Variants in POU2F2 observed in about 807,000 individuals in gnomAD.
POU2F2 encodes POU domain, class 2, transcription factor 2.
A neutral mutation model predicts 63.5 loss-of-function variants in POU2F2; 14 were observed. The observed-to-expected ratio is 0.22, with a 90% CI of 0.15 to 0.34. POU2F2 has a LOEUF of 0.34. Among genes scored for constraint, POU2F2 ranks in the 10% least tolerant of loss-of-function variants. The pLI is 1.00. For synonymous variants in POU2F2, 306 were observed against 348.6 expected (o/e 0.88, Z 1.36); for missense variants, 607 against 815.2 (o/e 0.74, Z 3.11).
rs567895056 is a variant in POU2F2 at position 42,091,333 on chromosome 19, G to A, written c.1799C>T (p.Ser600Phe). The change falls in exon 15 of 15, where the codon TCC (serine) becomes TTC (phenylalanine). Residue 600 changes from serine to phenylalanine, a missense_variant. Ser to Phe is a radical substitution (Grantham distance 155). Coordinates refer to ENST00000692977, the MANE Select transcript of POU2F2 (RefSeq NM_001394376.1). Reference protein sequence around the residue: ...SSSSSSSSSSSSTCSETAAQT... With the variant: ...SSSSSSSSSSFSTCSETAAQT... ...TGCTGCCGTCTCGCTGCAAGTGGAG[G>A]AGGAGGAGGATGAGGATGAAGAGGA... The A allele has an allele frequency of 1.4e-5, 21 of 1,535,664 alleles. No homozygotes were observed. The highest frequency in any genetic ancestry group is 1.7e-5 in the Non-Finnish European group (19 of 1,146,790).
At chr19:42,151,862 G>A (rs1248830134) in intron 2 of POU2F2, among the ~76,000 whole-genome samples, 4 of 152,222 alleles carry the variant, frequency 2.6e-5, no homozygotes, top group African/African-American at 4.8e-5. Context: ...CAGTGGGCAG[G>A]GGAGGAAGCC....
chr19:42,095,915 C>T lies in POU2F2; in HGVS notation c.744G>A (p.Leu248=), dbSNP rs1257185372. 2 of 1,613,704 alleles carry T rather than the reference C, an allele frequency of 1.2e-6. No individual in the cohort carries two copies. Among genetic ancestry groups the T allele is most frequent in the East Asian group, 2.2e-5 (1 of 44,864 alleles). The change falls in exon 9 of 15, where the codon CTG becomes CTA. Residue 248 remains leucine (L), a synonymous_variant. Transcript: ENST00000692977. This position sits in a 1 kb window ranked among gnomAD's most constrained non-coding sequence, Gnocchi z 7.1. The stretch of plus-strand genomic sequence containing the variant: ...CGTTGCCGTAGAGCTTGCCCATGGC[C>T]AGGCCCACATCACCCTGGGCCAGTG... ...KLGFTQGDVG[L]AMGKLYGNDF...
At chr19:42,142,558 T>A (rs2034150096) in intron 2 of POU2F2, among the ~76,000 whole-genome samples, 1 of 151,442 alleles carries the variant, frequency 6.6e-6, no homozygotes, top group Admixed American at 6.6e-5. Flanking sequence ...GGGGGTTTTT[T>A]ATTTGTTTTT....
At chr19:42,189,487 A>G (rs955724181) in intron 1 of POU2F2, among the ~76,000 whole-genome samples, 6 of 152,140 alleles carry the variant, frequency 3.9e-5, no homozygotes, top group Non-Finnish European at 8.8e-5. Flanking sequence ...CCCTGGTTCT[A>G]GTCTTTTCTG....
intron 1 of POU2F2, 137 bp downstream of exon 1, chr19:42,132,247 G>T: frequency 2.1e-6 from 2 of 966,122 alleles, no homozygotes; most frequent in Non-Finnish European, 3.0e-6. Context: ...ACCCGGCATG[G>T]GAGAGAGGGA....
chr19:42,132,412 G>A lies in POU2F2; in HGVS notation c.-1C>T. The A allele has an allele frequency of 6.6e-7, 1 of 1,515,726 alleles. No homozygotes were observed. The highest frequency in any genetic ancestry group is 8.8e-7 in the Non-Finnish European group (1 of 1,135,294). The allele number at this position is 1,515,726 out of a possible 1,614,324, so 93.9% of individuals were successfully genotyped here. A position where few individuals can be genotyped will look rare whatever the true frequency, so the allele number is the denominator to read the frequency against. ...GAGCCCCCATGCTGGAGTGAACCATGCTGCCCGCCCCGCCAGGGCTGGGGG... is the reference window on the plus strand; with the variant it reads ...GAGCCCCCATGCTGGAGTGAACCATACTGCCCGCCCCGCCAGGGCTGGGGG... On this transcript the variant is annotated 5_prime_UTR_variant, in exon 1 of 15. Transcript: ENST00000692977.
intron 1 of POU2F2, among the ~76,000 whole-genome samples, chr19:42,188,366 C>CA (rs769784431): frequency 0.015 from 1,496 of 100,348 alleles, 15 homozygotes; most frequent in African/African-American, 0.035. Flanking sequence ...ACCTTGTCTC[C>CA]AAAAAAAAAA....
At position 42,092,548 on chromosome 19, in the gene POU2F2, C is replaced by T. The variant is rs1242781901; in HGVS notation, c.1265-278G>A. Among the ~76,000 whole-genome samples the T allele has an allele frequency of 1.3e-5, 2 of 152,168 alleles. No homozygotes were observed. The highest frequency in any genetic ancestry group is 6.5e-5 in the Admixed American group (1 of 15,278). ...GAACCACTTTTTTACCGACTAGAAA[C>T]GGGGGTGCCCAGGAGACAAAGCCCT... On this transcript the variant is annotated intron_variant, in intron 12 of 14. Transcript: ENST00000692977. The surrounding 1 kb of genome is among the most constrained non-coding windows in gnomAD (Gnocchi z 5.0).
At chr19:42,141,269 A>G (rs2034120791) in intron 2 of POU2F2, among the ~76,000 whole-genome samples, 1 of 152,180 alleles carries the variant, frequency 6.6e-6, no homozygotes, top group Admixed American at 6.5e-5. Flanking sequence ...TTTGTTGGGT[A>G]AGGACAACTG....
At chr19:42,133,626 TCAC>T (rs1334168729), upstream of POU2F2, 1 of 154,152 alleles carries the variant, frequency 6.5e-6, no homozygotes, top group Non-Finnish European at 1.5e-5. This position sits in a 1 kb window ranked among gnomAD's most constrained non-coding sequence, Gnocchi z 5.1. Context: ...CCCCAGCACT[TCAC>T]ACACACACAC....
At position 42,099,555 on chromosome 19, in the gene POU2F2, G is replaced by A; in HGVS notation, c.539C>T (p.Ser180Phe). 1 of 1,614,082 alleles carries A rather than the reference G, an allele frequency of 6.2e-7. No individual in the cohort carries two copies. Among genetic ancestry groups the A allele is most frequent in the Non-Finnish European group, 8.5e-7 (1 of 1,179,904 alleles). Residue 180 changes from serine (S) to phenylalanine (F), a missense_variant, in exon 7 of 15, where the codon TCC (serine) becomes TTC (phenylalanine). By Grantham distance (155) the Ser-to-Phe change is radical. Transcript: ENST00000692977. ...TGTGGGAAGCCCGGCCCGGGGCTGG[G>A]AGGTCAGAAGAGCTCCCTGGGTTTG... ...PQQTQGALLT[S>F]QPRAGLPTQA... is the part of the protein sequence containing the mutation.
chr19:42,176,476 C>G (rs191850798), upstream of POU2F2, among the ~76,000 whole-genome samples: 8 of 152,216 alleles, frequency 5.3e-5, no homozygotes, highest in African/African-American at 1.9e-4. Context: ...TCTTCTGCCT[C>G]GGCTCTCGCT....
intron 5 of POU2F2, among the ~76,000 whole-genome samples, chr19:42,113,054 C>T (rs964241746): frequency 1.3e-5 from 2 of 152,184 alleles, no homozygotes; most frequent in Non-Finnish European, 2.9e-5. Context: ...ACACACATCA[C>T]ATTTCTCTTC....
upstream of POU2F2, among the ~76,000 whole-genome samples, chr19:42,180,255 A>G (rs953359624): frequency 1.6e-4 from 25 of 152,352 alleles, no homozygotes; most frequent in African/African-American, 5.5e-4. Flanking sequence ...TAGTGTGAAC[A>G]TAAGAGACAC....
At chr19:42,160,114 C>T (rs1226789018) in intron 2 of POU2F2, among the ~76,000 whole-genome samples, 2 of 152,130 alleles carry the variant, frequency 1.3e-5, no homozygotes, top group African/African-American at 2.4e-5. Context: ...GAAACACCCA[C>T]AGTCATCAAC....
chr19:42,115,253 C>G (rs1200451341), intron 5 of POU2F2, among the ~76,000 whole-genome samples: 1 of 152,126 alleles, frequency 6.6e-6, no homozygotes, highest in East Asian at 1.9e-4. Context: ...TCTAAGGAGG[C>G]AGGTTATCAG....
intron 1 of POU2F2, among the ~76,000 whole-genome samples, chr19:42,124,387 A>T (rs546916885): frequency 2.3e-4 from 35 of 152,184 alleles, no homozygotes; most frequent in African/African-American, 7.0e-4. Flanking sequence ...TGTAAAAAAA[A>T]AAAAAAGTCT....
At chr19:42,145,859 G>A (rs1285869008) in intron 2 of POU2F2, among the ~76,000 whole-genome samples, 1 of 151,940 alleles carries the variant, frequency 6.6e-6, no homozygotes, top group African/African-American at 2.4e-5. Flanking sequence ...ACTTAAACCC[G>A]GGAGGCGGAG....
At chr19:42,195,915 G>A (rs967294885) in intron 1 of POU2F2, among the ~76,000 whole-genome samples, 1 of 151,854 alleles carries the variant, frequency 6.6e-6, no homozygotes, top group Non-Finnish European at 1.5e-5. Flanking sequence ...TGGCAGTTGG[G>A]ATTACAGGCA....
Sources: gnomAD v4.1 joint callset for allele counts (sites outside exome capture counted in the v4.1 genomes callset) on GRCh38, gnomAD v4.1.1 for gene constraint, Gnocchi (gnomAD v3.1) non-coding constraint, MANE v1.5 for transcripts, NCBI Gene and HGNC (gene_info 2026-07-23, HGNC 2026-07-21) for gene names.